Variants in DGKH observed in about 807,000 individuals in gnomAD.
The protein encoded by DGKH is DAG kinase eta.
Under a neutral mutation model 159.3 loss-of-function variants are expected in DGKH, and 90 were observed. The observed-to-expected ratio is 0.57, with a 90% CI of 0.48 to 0.67. The LOEUF is 0.67. Ranked by LOEUF, DGKH falls within the 30% of genes least tolerant of loss-of-function variation. DGKH has a pLI of 0.00. For missense variants in DGKH, 1,181 were observed against 1,506.1 expected (o/e 0.78, Z 3.57); for synonymous variants, 536 against 553.8 (o/e 0.97, Z 0.45).
At position 42,230,129 on chromosome 13, in the gene DGKH, A is replaced by C. The variant is rs150719313; in HGVS notation, c.*941A>C. 1 of 152,138 alleles carries C rather than the reference A, an allele frequency of 6.6e-6. No homozygotes were observed. The highest frequency in any genetic ancestry group is 1.9e-4 in the East Asian group (1 of 5,188). The allele number at this position is 152,138 out of a possible 1,614,324, so 9.4% of individuals were successfully genotyped here. A position where few individuals can be genotyped will look rare whatever the true frequency, so the allele number is the denominator to read the frequency against. ...CAGCTTTCCAAACCAAAATTTCCAC[A>C]TTTTGTTTCTAATTTTTAATTTCAA... On this transcript the variant is annotated 3_prime_UTR_variant, in exon 30 of 30. Transcript: ENST00000337343.
intron 13 of DGKH, among the ~76,000 whole-genome samples, chr13:42,178,799 C>T (rs1956671541): frequency 6.6e-6 from 1 of 152,168 alleles, no homozygotes; most frequent in African/African-American, 2.4e-5. Flanking sequence ...ATGCTGATGT[C>T]AAGAGACTGG....
chr13:42,136,240 G>A (rs1955400426), intron 3 of DGKH, among the ~76,000 whole-genome samples: 1 of 152,150 alleles, frequency 6.6e-6, no homozygotes, highest in Non-Finnish European at 1.5e-5. Flanking sequence ...TGAAAGTTTG[G>A]GAATTTGGAA....
intron 3 of DGKH, among the ~76,000 whole-genome samples, chr13:42,151,578 TACACACAC>T (rs60281789): frequency 2.5e-3 from 239 of 93,828 alleles, no homozygotes; most frequent in African/African-American, 6.0e-3. Context: ...CTTATATGTA[TACACACAC>T]ACACACACAC....
intron 15 of DGKH, 58 bp from the exon 16 acceptor site, chr13:42,190,344 TA>T (rs1957031142): frequency 6.4e-7 from 1 of 1,563,758 alleles, no homozygotes; most frequent in African/African-American, 1.4e-5. Flanking sequence ...GAGCATATCT[TA>T]ATATTAATGG....
intron 3 of DGKH, 112 bp from the exon 4 acceptor site, chr13:42,155,179 G>C: frequency 3.6e-6 from 3 of 828,924 alleles, no homozygotes; most frequent in Non-Finnish European, 5.6e-6. Flanking sequence ...TTACAAAAAC[G>C]TAAGAAATAA....
intron 16 of DGKH, 43 bp from the exon 17 acceptor site, chr13:42,194,842 G>T: frequency 6.3e-7 from 1 of 1,586,816 alleles, no homozygotes; most frequent in East Asian, 2.3e-5. Context: ...TATTTTTATA[G>T]CTTTATCATT....
intron 1 of DGKH, among the ~76,000 whole-genome samples, chr13:42,052,472 C>G (rs1247311852): frequency 2.0e-5 from 3 of 152,172 alleles, no homozygotes; most frequent in African/African-American, 7.2e-5. Flanking sequence ...CAAAAAGTCA[C>G]TTATGTACAA....
chr13:42,204,299 A>G (rs951374682), intron 20 of DGKH, among the ~76,000 whole-genome samples: 4 of 152,212 alleles, frequency 2.6e-5, no homozygotes, highest in Non-Finnish European at 4.4e-5. Flanking sequence ...TAAGTATTTC[A>G]TATTTATTCA....
intron 20 of DGKH, among the ~76,000 whole-genome samples, chr13:42,202,750 C>T (rs925722725): frequency 1.3e-5 from 2 of 152,114 alleles, no homozygotes; most frequent in African/African-American, 2.4e-5. Flanking sequence ...ATGTAAATAA[C>T]GTCACAGTAT....
chr13:42,115,430 A>T (rs1439644393), intron 1 of DGKH, among the ~76,000 whole-genome samples: 1 of 152,186 alleles, frequency 6.6e-6, no homozygotes, highest in Non-Finnish European at 1.5e-5. Context: ...ATTAAAAAAA[A>T]TCCCTATGCA....
intron 3 of DGKH, among the ~76,000 whole-genome samples, chr13:42,151,325 T>C (rs1031640196): frequency 2.0e-5 from 3 of 151,804 alleles, no homozygotes; most frequent in African/African-American, 7.3e-5. Context: ...ACTATGTCCA[T>C]GTGTACACAT....
chr13:42,232,114 T>C lies in DGKH; in HGVS notation c.*2926T>C, dbSNP rs1010494385. On this transcript the variant is annotated 3_prime_UTR_variant, in exon 30 of 30. Coordinates refer to ENST00000337343, the MANE Select transcript of DGKH (RefSeq NM_178009.5). The stretch of plus-strand genomic sequence containing the variant: ...TGGGGTTACCAAAAAAAATAAAAAG[T>C]AGGGAAGAGCTTCTCCATGGGATCA... 2.6e-5 allele frequency: 4 copies of C among 152,154 alleles called. No individual in the cohort carries two copies. The highest frequency in any genetic ancestry group is 4.4e-5 in the Non-Finnish European group (3 of 68,084). 9.4% of individuals were successfully genotyped at this position (152,154 alleles called of 1,614,324 possible).
intron 3 of DGKH, among the ~76,000 whole-genome samples, chr13:42,136,069 C>T (rs1375421423): frequency 6.6e-6 from 1 of 152,170 alleles, no homozygotes; most frequent in Non-Finnish European, 1.5e-5. Flanking sequence ...CCAGTTTCCT[C>T]AACAGTCATT....
At chr13:42,055,111 C>T (rs1018495222) in intron 1 of DGKH, among the ~76,000 whole-genome samples, 2 of 152,044 alleles carry the variant, frequency 1.3e-5, no homozygotes, top group South Asian at 2.1e-4. Context: ...ATCAGGCGGC[C>T]GGCAGGATAT....
At chr13:42,120,186 C>T (rs1594054011) in intron 1 of DGKH, among the ~76,000 whole-genome samples, 1 of 152,226 alleles carries the variant, frequency 6.6e-6, no homozygotes, top group Middle Eastern at 3.4e-3. Context: ...ATATGTTACC[C>T]AGAGGTTCCA....
At position 42,249,958 on chromosome 13, in the gene DGKH, C is replaced by T. The variant is rs1958609075; in HGVS notation, n.4055-2451C>T. ...TCCAGCCTCCTCATTCACTCCAGCTCCAGTTTTTTTGTTTTTTTGTTTTTT... is the reference window on the plus strand; with the variant it reads ...TCCAGCCTCCTCATTCACTCCAGCTTCAGTTTTTTTGTTTTTTTGTTTTTT... On this transcript the variant is annotated intron_variant and non_coding_transcript_variant, in intron 29 of 30. Coordinates refer to the DGKH transcript ENST00000498255. Among the ~76,000 whole-genome samples, 5 of 151,710 alleles carry T rather than the reference C, an allele frequency of 3.3e-5. No homozygotes were observed. In the South Asian group the frequency reaches 1.0e-3, roughly 32 times the overall value.
At position 42,107,022 on chromosome 13, in the gene DGKH, C is replaced by T. The variant is rs140496053; in HGVS notation, c.193-20441C>T. On this transcript the variant is annotated intron_variant, in intron 1 of 29. Coordinates refer to ENST00000337343, the MANE Select transcript of DGKH (RefSeq NM_178009.5). ...TTGCACCACTGCACTCCAGCCTGGG[C>T]GACAGAGTGAGACTGTGTCTCAAAA... 1.5e-3 allele frequency among the ~76,000 whole-genome samples: 228 copies of T among 151,986 alleles called. 1 individual carries two copies. Among genetic ancestry groups the T allele is most frequent in the South Asian group, 6.4e-3 (31 of 4,812 alleles).
chr13:42,040,653 A>G (rs1469508411), intron 1 of DGKH, among the ~76,000 whole-genome samples: 1 of 148,286 alleles, frequency 6.7e-6, no homozygotes, highest in African/African-American at 2.5e-5. Context: ...ACCGTGGAGA[A>G]GGAGGAGGCG....
rs560668983 is a variant in DGKH at position 42,227,358 on chromosome 13, A to T, written c.3574-1741A>T. Among the ~76,000 whole-genome samples the T allele has an allele frequency of 3.3e-5, 5 of 152,328 alleles. No individual in the cohort carries two copies. The South Asian group carries it at 8.3e-4, about 25-fold the overall frequency. On this transcript the variant is annotated intron_variant, in intron 29 of 29. Coordinates refer to ENST00000337343, the MANE Select transcript of DGKH (RefSeq NM_178009.5). ...ATACCAAAATAGTAATTCTAAATAG[A>T]TTCTACCTCCCCCAAAGAAGATTTA...
Sources: allele counts gnomAD v4.1 joint callset (sites outside exome capture counted in the v4.1 genomes callset), GRCh38; gene constraint gnomAD v4.1.1; transcripts MANE v1.5; gene names NCBI Gene and HGNC (gene_info 2026-07-23, HGNC 2026-07-21).